The following RNF114 variants were observed in gnomAD, a reference collection of about 807,000 sequenced individuals.
RNF114 encodes the protein ring finger protein 114.
Under a neutral mutation model 28.4 loss-of-function variants are expected in RNF114, and 6 were observed. The ratio of observed to expected loss-of-function variants is 0.21; its 90% CI spans 0.12 to 0.42. RNF114 has a LOEUF of 0.42. Among genes scored for constraint, RNF114 ranks in the 10% least tolerant of loss-of-function variants. RNF114 has a pLI of 1.00. For missense variants in RNF114, 249 were observed against 311.7 expected (o/e 0.80, Z 1.51); for synonymous variants, 115 against 116.7 (o/e 0.99, Z 0.09).
At chr20:49,952,020 C>G in intron 5 of RNF114, 56 bp from the exon 6 acceptor site, 4 of 1,362,164 alleles carry the variant, frequency 2.9e-6, no homozygotes, top group Non-Finnish European at 4.2e-6. Flanking sequence ...CTACTGAAAG[C>G]CAGTCTTTGC....
chr20:49,952,010 C>CGGA, intron 5 of RNF114, 66 bp from the exon 6 acceptor site: 17 of 1,395,116 alleles, frequency 1.2e-5, no homozygotes, highest in Admixed American at 1.7e-5. Context: ...TGTCCTGCTT[C>CGGA]TACTGAAAGC....
At chr20:49,941,181 G>T (rs1473384436) in intron 1 of RNF114, 4 of 166,830 alleles carry the variant, frequency 2.4e-5, no homozygotes, top group Non-Finnish European at 3.8e-5. Context: ...CTCTGCCAGG[G>T]GTCTGCTATA....
intron 1 of RNF114, among the ~76,000 whole-genome samples, chr20:49,940,314 C>T (rs1008452164): frequency 2.6e-5 from 4 of 151,992 alleles, no homozygotes; most frequent in Non-Finnish European, 4.4e-5. Context: ...GGGTAATGGG[C>T]CAACATCTGT....
chr20:49,947,380 A>G (rs746336470), intron 4 of RNF114, among the ~76,000 whole-genome samples: 4 of 152,084 alleles, frequency 2.6e-5, no homozygotes, highest in African/African-American at 9.7e-5. Context: ...CTCTTGAACT[A>G]CATACTCTGT....
At chr20:49,949,935 G>A (rs1377429563) in intron 5 of RNF114, among the ~76,000 whole-genome samples, 1 of 141,218 alleles carries the variant, frequency 7.1e-6, no homozygotes, top group African/African-American at 2.5e-5. Flanking sequence ...GAGCCACCAC[G>A]CCCGGCCCAG....
At position 49,952,479 on chromosome 20, in the gene RNF114, G is replaced by A. The variant is rs1386408180; in HGVS notation, c.*338G>A. 4.1e-6 allele frequency: 2 copies of A among 485,950 alleles called. No homozygotes were observed. The highest frequency in any genetic ancestry group is 6.9e-5 in the Admixed American group (2 of 28,894). 30.1% of individuals were successfully genotyped at this position (485,950 alleles called of 1,614,324 possible). ...TTCACACTCATTCCTCCCATCCAGT[G>A]TTTGTCTCTCGGGTCCTTCAAGCCA... On this transcript the variant is annotated 3_prime_UTR_variant, in exon 6 of 6. Transcript: ENST00000244061.
At position 49,945,494 on chromosome 20, in the gene RNF114, T is replaced by C; in HGVS notation, c.398+6T>C. ...GATGCATCTCTTCAGCCAAGGTAAA[T>C]GACTCAGTCTCCCCTTAGGTGGAGG... On this transcript the variant is annotated splice_donor_region_variant and intron_variant, in intron 3 of 5. Transcript: ENST00000244061. 1 of 1,541,162 alleles carries C rather than the reference T, an allele frequency of 6.5e-7. No individual in the cohort carries two copies. Among genetic ancestry groups the C allele is most frequent in the Non-Finnish European group, 9.0e-7 (1 of 1,113,556 alleles).
chr20:49,942,641 G>A (rs2090312224), intron 2 of RNF114, among the ~76,000 whole-genome samples: 3 of 152,146 alleles, frequency 2.0e-5, no homozygotes, highest in African/African-American at 7.2e-5. Context: ...TGGACAACAT[G>A]GTGAAACCTC....
At chr20:49,936,613 G>A (rs1445905557) in intron 1 of RNF114, 61 bp downstream of exon 1, 31 of 1,548,738 alleles carry the variant, frequency 2.0e-5, no homozygotes, top group Non-Finnish European at 2.6e-5. Context: ...TGGAGCCGAG[G>A]AGCGAGATGG....
At chr20:49,936,680 G>A in intron 1 of RNF114, 128 bp downstream of exon 1, 1 of 1,226,878 alleles carries the variant, frequency 8.2e-7, no homozygotes, top group Admixed American at 3.5e-5. Flanking sequence ...GGTGTCCCCC[G>A]GGGCTCCTAA....
At chr20:49,938,389 G>GCA (rs772178867) in intron 1 of RNF114, among the ~76,000 whole-genome samples, 4 of 152,202 alleles carry the variant, frequency 2.6e-5, no homozygotes, top group Non-Finnish European at 5.9e-5. Flanking sequence ...ACAGATGGAA[G>GCA]CACCTCTGTG....
At chr20:49,939,926 C>T (rs959298454) in intron 1 of RNF114, among the ~76,000 whole-genome samples, 10 of 151,774 alleles carry the variant, frequency 6.6e-5, no homozygotes, top group African/African-American at 1.2e-4. Context: ...TGGTCATGCG[C>T]GCCTGTAACC....
intron 1 of RNF114, among the ~76,000 whole-genome samples, chr20:49,936,931 T>C (rs556080909): frequency 2.6e-4 from 39 of 152,288 alleles, no homozygotes; most frequent in African/African-American, 8.9e-4. Flanking sequence ...TCTTAAAGCA[T>C]AGGACATTTG....
chr20:49,942,350 A>G (rs889122112), intron 2 of RNF114, among the ~76,000 whole-genome samples: 1 of 152,218 alleles, frequency 6.6e-6, no homozygotes, highest in African/African-American at 2.4e-5. Flanking sequence ...AGTCAAGTAT[A>G]TTTATTTTCA....
Position 49,941,675 on chromosome 20 carries a change from G to A in RNF114, c.255G>A (p.Glu85=), listed in dbSNP as rs376338026. Residue 85 remains glutamate (E), a synonymous_variant, in exon 2 of 6, where the codon GAG becomes GAA. Transcript: ENST00000244061. ...CCGTGGAGCTCGAGCGGCAGATCGA[G>A]AGCACAGAGACTTCTTGCCATGGCT... ...VRAVELERQI[E]STETSCHGCR... The A allele has an allele frequency of 7.4e-6, 12 of 1,612,630 alleles. No homozygotes were observed. Among genetic ancestry groups the A allele is most frequent in the African/African-American group, 2.7e-5 (2 of 74,904 alleles).
chr20:49,944,076 G>A (rs1478785479), intron 2 of RNF114: 1 of 148,650 alleles, frequency 6.7e-6, no homozygotes, highest in Non-Finnish European at 1.5e-5. Context: ...GTTTTGTTTT[G>A]TTTTTTTTCT....
chr20:49,937,668 G>A (rs114806127), intron 1 of RNF114, among the ~76,000 whole-genome samples: 4 of 152,242 alleles, frequency 2.6e-5, no homozygotes, highest in African/African-American at 9.6e-5. Context: ...ATTCATCTTT[G>A]CAATTCGGTT....
chr20:49,952,270 C>A lies in RNF114; in HGVS notation c.*129C>A. ...ATGAGCCATGGCATTGGGACAGGGT[C>A]ACTTCTGACAGGGGAAGTGGGTCCC... On this transcript the variant is annotated 3_prime_UTR_variant, in exon 6 of 6. Transcript: ENST00000244061. 1 of 819,444 alleles carries A rather than the reference C, an allele frequency of 1.2e-6. No individual in the cohort carries two copies. Among genetic ancestry groups the A allele is most frequent in the Non-Finnish European group, 2.1e-6 (1 of 478,832 alleles). 50.8% of individuals were successfully genotyped at this position (819,444 alleles called of 1,614,324 possible).
rs953284373 is a variant in RNF114 at position 49,952,891 on chromosome 20, G to A, written c.*750G>A. ...GGAGGAGGGTCAGCTAAGAGAAGTG[G>A]GAGGGCCAGAGCTTTTTGGTTCTGA... On this transcript the variant is annotated 3_prime_UTR_variant, in exon 6 of 6. Transcript: ENST00000244061. 2.6e-5 allele frequency: 4 copies of A among 152,526 alleles called. No individual in the cohort carries two copies. The highest frequency in any genetic ancestry group is 2.9e-5 in the Non-Finnish European group (2 of 68,026). 9.4% of individuals were successfully genotyped at this position (152,526 alleles called of 1,614,324 possible).
Sources: gnomAD v4.1 joint callset for allele counts (sites outside exome capture counted in the v4.1 genomes callset) on GRCh38, gnomAD v4.1.1 for gene constraint, MANE v1.5 for transcripts, NCBI Gene and HGNC (gene_info 2026-07-23, HGNC 2026-07-21) for gene names.